ESM1: variants seen among roughly 807,000 people sequenced by gnomAD.
The protein encoded by ESM1 is endothelial cell-specific molecule 1.
A neutral mutation model predicts 14.9 loss-of-function variants in ESM1; 7 were observed. The ratio of observed to expected loss-of-function variants is 0.47; its 90% CI spans 0.27 to 0.88. ESM1 has a LOEUF of 0.88. ESM1 is among the 40% of genes least tolerant of loss of function. The pLI is 0.14. For missense variants in ESM1, 192 were observed against 237.9 expected, an observed-to-expected ratio of 0.81 and a Z score of 1.27; for synonymous variants, 89 against 89.4, an observed-to-expected ratio of 1.00 and a Z score of 0.02.
chr5:54,983,687 A>G (rs79864055), intron 1 of ESM1, among the ~76,000 whole-genome samples: 2,528 of 152,320 alleles, frequency 0.017, 37 homozygotes, highest in Non-Finnish European at 0.024. Flanking sequence ...AAAAGAAGCA[A>G]TCTTAAAGAT....
Position 54,985,419 on chromosome 5 carries a change from G to C in ESM1, c.99C>G (p.Asp33Glu). ...NYAVDCPQHC[D>E]SSECKSSPRC... ...GCGGGCTGCTTTTGCACTCACTGCT[G>C]TCACAGTGTTGAGGGCAGTCCACCG... The change falls in exon 1 of 3, where the codon GAC becomes GAG. Residue 33 changes from aspartate to glutamate, a missense_variant. Transcript: ENST00000381405. The C allele has an allele frequency of 6.2e-7, 1 of 1,614,132 alleles. No individual in the cohort carries two copies. The highest frequency in any genetic ancestry group is 2.2e-5 in the East Asian group (1 of 44,884).
At chr5:54,984,424 ATT>A (rs1279659672) in intron 1 of ESM1, among the ~76,000 whole-genome samples, 1 of 152,214 alleles carries the variant, frequency 6.6e-6, no homozygotes, top group Admixed American at 6.5e-5. Context: ...AATGTTAAAT[ATT>A]TTAAACTAGT....
chr5:54,982,243 C>A lies in ESM1; in HGVS notation c.302-97G>T. The A allele has an allele frequency of 2.6e-6, 3 of 1,155,188 alleles. No homozygotes were observed. The South Asian group carries it at 4.6e-5, about 18-fold the overall frequency. The allele number at this position is 1,155,188 out of a possible 1,614,324, so 71.6% of individuals were successfully genotyped here. ...GCATAGCCTTGCGATTTGAACCAAC[C>A]TCATGAACCTTGACTGTAAAGTAAA... On this transcript the variant is annotated intron_variant, in intron 1 of 2. Coordinates refer to ENST00000381405, the MANE Select transcript of ESM1 (RefSeq NM_007036.5).
At chr5:54,981,338 T>C (rs931196703) in intron 2 of ESM1, among the ~76,000 whole-genome samples, 2 of 152,204 alleles carry the variant, frequency 1.3e-5, no homozygotes, top group African/African-American at 4.8e-5. Context: ...TAAACAAATA[T>C]GTACATAGCA....
intron 2 of ESM1, 85 bp downstream of exon 2, chr5:54,981,912 C>A: frequency 7.4e-7 from 1 of 1,343,254 alleles, no homozygotes; most frequent in Non-Finnish European, 1.0e-6. Context: ...CAATCCACAT[C>A]TTATTCTACT....
At position 54,978,858 on chromosome 5, in the gene ESM1, C is replaced by G. The variant is rs143241193; in HGVS notation, c.*474G>C. On this transcript the variant is annotated 3_prime_UTR_variant, in exon 3 of 3. Transcript: ENST00000381405. ...AAAAAAAAAAAAGCACAATTAAATT[C>G]TAGAGAAGCTACCTACCAAGGAAGG... 5.7e-3 allele frequency: 836 copies of G among 147,192 alleles called. 2 individuals carry two copies. The highest frequency in any genetic ancestry group is 0.011 in the Middle Eastern group (3 of 282). 9.1% of individuals were successfully genotyped at this position (147,192 alleles called of 1,614,324 possible). A position where few individuals can be genotyped will look rare whatever the true frequency, so the allele number is the denominator to read the frequency against.
chr5:54,979,606 A>G (rs1744011923), intron 2 of ESM1, among the ~76,000 whole-genome samples, 171 bp from the exon 3 acceptor site: 1 of 152,230 alleles, frequency 6.6e-6, no homozygotes, highest in South Asian at 2.1e-4. Context: ...TATATACAAT[A>G]GCACCCCTTG....
rs183867500 is a variant in ESM1, at chr5:54,978,048, T to C, written c.*1284A>G. 1 of 152,282 alleles carries C rather than the reference T, an allele frequency of 6.6e-6. No individual in the cohort carries two copies. The highest frequency in any genetic ancestry group is 2.4e-5 in the African/African-American group (1 of 41,568). The allele number at this position is 152,282 out of a possible 1,614,324, so 9.4% of individuals were successfully genotyped here. ...TCTTAAATAAGTTCTTCACTTCAAATAAAATACTTCTGAGATATTTCCTAA... is the reference window on the plus strand; with the variant it reads ...TCTTAAATAAGTTCTTCACTTCAAACAAAATACTTCTGAGATATTTCCTAA... On this transcript the variant is annotated 3_prime_UTR_variant, in exon 3 of 3. Coordinates refer to ENST00000381405, the MANE Select transcript of ESM1 (RefSeq NM_007036.5).
At position 54,978,538 on chromosome 5, in the gene ESM1, T is replaced by C. The variant is rs1743982254; in HGVS notation, c.*794A>G. On this transcript the variant is annotated 3_prime_UTR_variant, in exon 3 of 3. Transcript: ENST00000381405. The stretch of plus-strand genomic sequence containing the variant: ...AGATGACTTGCACTAACACATTTAT[T>C]TATAAAAATATATAAATATTTACCT... The C allele has an allele frequency of 6.6e-6, 1 of 152,096 alleles. No individual in the cohort carries two copies. The highest frequency in any genetic ancestry group is 6.6e-5 in the Admixed American group (1 of 15,264). 9.4% of individuals were successfully genotyped at this position (152,096 alleles called of 1,614,324 possible). A position where few individuals can be genotyped will look rare whatever the true frequency, so the allele number is the denominator to read the frequency against.
intron 2 of ESM1, among the ~76,000 whole-genome samples, chr5:54,980,776 G>A (rs2269227): frequency 0.19 from 28,742 of 152,026 alleles, 3,498 homozygotes; most frequent in South Asian, 0.35. Flanking sequence ...CGATATTTCC[G>A]CTTCATTTTA....
At chr5:54,983,683 A>G (rs1740443527) in intron 1 of ESM1, among the ~76,000 whole-genome samples, 1 of 152,234 alleles carries the variant, frequency 6.6e-6, no homozygotes, top group African/African-American at 2.4e-5. Flanking sequence ...AGCCAAAAGA[A>G]GCAATCTTAA....
intron 1 of ESM1, among the ~76,000 whole-genome samples, chr5:54,982,757 G>T (rs1300478976): frequency 6.6e-6 from 1 of 152,016 alleles, no homozygotes; most frequent in Non-Finnish European, 1.5e-5. Context: ...AGTTAAGAGG[G>T]CTCCCTAGTA....
At chr5:54,981,186 C>G (rs1412301262) in intron 2 of ESM1, among the ~76,000 whole-genome samples, 1 of 151,882 alleles carries the variant, frequency 6.6e-6, no homozygotes. Context: ...ATTATTTTAC[C>G]AATTTTGAAA....
intron 2 of ESM1, 25 bp downstream of exon 2, chr5:54,981,972 T>C: frequency 3.7e-6 from 6 of 1,606,296 alleles, no homozygotes; most frequent in Non-Finnish European, 4.3e-6. Context: ...ATTCTTCCAA[T>C]GCTTATACCA....
At chr5:54,979,532 A>G in intron 2 of ESM1, 97 bp from the exon 3 acceptor site, 5 of 801,874 alleles carry the variant, frequency 6.2e-6, no homozygotes, top group Non-Finnish European at 1.1e-5. Flanking sequence ...TTTACAATGA[A>G]ATCTTTAATC....
intron 2 of ESM1, among the ~76,000 whole-genome samples, chr5:54,980,356 G>C (rs1343670601): frequency 4.6e-5 from 7 of 152,320 alleles, no homozygotes; most frequent in African/African-American, 1.4e-4. Context: ...GGCCCAAACA[G>C]GTTTGTGCAG....
chr5:54,977,966 A>T lies in ESM1; in HGVS notation c.*1366T>A, dbSNP rs1337573782. The stretch of plus-strand genomic sequence containing the variant: ...TACATTCAAAGGCCTTCCCACACAC[A>T]TTCACAACTCTGTTGGCCAACTTCA... On this transcript the variant is annotated 3_prime_UTR_variant, in exon 3 of 3. Transcript: ENST00000381405. The T allele has an allele frequency of 1.3e-5, 2 of 152,204 alleles. No individual in the cohort carries two copies. Among genetic ancestry groups the T allele is most frequent in the Admixed American group, 6.5e-5 (1 of 15,282 alleles). The allele number at this position is 152,204 out of a possible 1,614,324, so 9.4% of individuals were successfully genotyped here.
intron 2 of ESM1, among the ~76,000 whole-genome samples, chr5:54,980,012 G>A (rs1222917709): frequency 6.6e-6 from 1 of 152,200 alleles, no homozygotes; most frequent in East Asian, 1.9e-4. Context: ...CTACTTCAAG[G>A]AGTAGTGAGG....
chr5:54,979,401 C>G lies in ESM1; in HGVS notation c.486G>C (p.Val162=), dbSNP rs1359754868. 3 of 1,613,720 alleles carry G rather than the reference C, an allele frequency of 1.9e-6. No individual in the cohort carries two copies. Among genetic ancestry groups the G allele is most frequent in the Non-Finnish European group, 2.5e-6 (3 of 1,179,648 alleles). ...CATTCTCTTTCACAACTTCTTCTCT[C>G]ACAATATTGCCATCTCCAGATGCCA... is the stretch of plus-strand genomic sequence containing the variant. ...HDMASGDGNI[V]REEVVKENAA... Residue 162 remains valine (V), a synonymous_variant, in exon 3 of 3, where the codon GTG becomes GTC. Transcript: ENST00000381405.
Sources: allele counts gnomAD v4.1 joint callset (sites outside exome capture counted in the v4.1 genomes callset), GRCh38; gene constraint gnomAD v4.1.1; transcripts MANE v1.5; gene names NCBI Gene and HGNC (gene_info 2026-07-23, HGNC 2026-07-21).